The following LRRC4C variants were observed in gnomAD, a reference collection of about 807,000 sequenced individuals.
The protein encoded by LRRC4C is leucine-rich repeat-containing protein 4C.
Under a neutral mutation model 33.6 loss-of-function variants are expected in LRRC4C, and 5 were observed. The ratio of observed to expected loss-of-function variants is 0.15; its 90% confidence interval spans 0.08 to 0.31. The LOEUF (loss-of-function observed/expected upper bound fraction) is 0.31, where lower values mean the gene tolerates loss of function less well. Ranked by LOEUF, LRRC4C falls within the 10% of genes least tolerant of loss-of-function variation. The pLI is 1.00. For synonymous variants in LRRC4C, 329 were observed against 302.0 expected, an observed-to-expected ratio of 1.09 and a Z score of -0.93; for missense variants, 560 against 796.7, an observed-to-expected ratio of 0.70 and a Z score of 3.58.
chr11:40,939,849 C>A (rs1305973848), intron 1 of LRRC4C, among the ~76,000 whole-genome samples: 1 of 152,086 alleles, frequency 6.6e-6, no homozygotes, highest in Admixed American at 6.6e-5. Flanking sequence ...GTCATCAGAT[C>A]ATTTGTTTTA....
Position 41,452,669 on chromosome 11 carries a change from C to T in LRRC4C, c.-496+6762G>A, listed in dbSNP as rs187201085. Among the ~76,000 whole-genome samples the T allele has an allele frequency of 1.6e-4, 24 of 152,114 alleles. No individual in the cohort carries two copies. The East Asian group carries it at 4.5e-3, about 28-fold the overall frequency. ...AATTCGTTCTCTTTCTTTCTCTGGT[C>T]TCCTTGAATGTTCTGTACCAGTCAC... On this transcript the variant is annotated intron_variant, in intron 1 of 6. Transcript: ENST00000528697.
chr11:40,426,030 T>G (rs201518398), intron 3 of LRRC4C, among the ~76,000 whole-genome samples: 2 of 126,942 alleles, frequency 1.6e-5, no homozygotes, highest in Admixed American at 8.1e-5. Flanking sequence ...TTTTTTTTTT[T>G]TGAGACAGAG....
At chr11:40,411,966 T>C (rs1337195919) in intron 3 of LRRC4C, among the ~76,000 whole-genome samples, 1 of 152,010 alleles carries the variant, frequency 6.6e-6, no homozygotes, top group Non-Finnish European at 1.5e-5. Context: ...AACAGACTTA[T>C]TGAGGTTTAG....
Position 40,114,810 on chromosome 11 carries a change from G to A in LRRC4C, c.1483C>T (p.Pro495Ser). ...TTCTCTGTCGACCTTGTGCTCTGTGGTGTGAGAGAGGTGGTCACATTGGTG... is the reference window on the plus strand; with the variant it reads ...TTCTCTGTCGACCTTGTGCTCTGTGATGTGAGAGAGGTGGTCACATTGGTG... Reference protein sequence around the residue: ...ETTNVTTSLTPQSTRSTEKTF... With the variant: ...ETTNVTTSLTSQSTRSTEKTF... The change falls in exon 7 of 7, where the codon CCA (proline) becomes TCA (serine). Residue 495 changes from proline to serine, a missense_variant. Transcript: ENST00000528697. 16 of 1,614,130 alleles carry A rather than the reference G, an allele frequency of 9.9e-6. No homozygotes were observed. The highest frequency in any genetic ancestry group is 2.2e-5 in the East Asian group (1 of 44,860).
chr11:41,245,783 T>C (rs1948427246), intron 1 of LRRC4C, among the ~76,000 whole-genome samples: 1 of 151,954 alleles, frequency 6.6e-6, no homozygotes, highest in African/African-American at 2.4e-5. Context: ...CGCGGACAAG[T>C]GGAGGGTGGA....
chr11:40,814,883 T>A (rs1215118594), intron 2 of LRRC4C, among the ~76,000 whole-genome samples: 2 of 152,116 alleles, frequency 1.3e-5, no homozygotes, highest in Non-Finnish European at 2.9e-5. Context: ...TATAATACTA[T>A]CAGCACTTTG....
At chr11:40,906,521 AACAG>A (rs1480227440) in intron 2 of LRRC4C, among the ~76,000 whole-genome samples, 2 of 152,172 alleles carry the variant, frequency 1.3e-5, no homozygotes, top group Non-Finnish European at 2.9e-5. Context: ...AAAACAAACA[AACAG>A]ACAAACAAAC....
intron 2 of LRRC4C, among the ~76,000 whole-genome samples, chr11:40,797,744 A>C: frequency 6.6e-6 from 1 of 152,286 alleles, no homozygotes; most frequent in East Asian, 1.9e-4. Flanking sequence ...CTTTCCTGTA[A>C]ATAAAATTTT....
intron 1 of LRRC4C, among the ~76,000 whole-genome samples, chr11:40,993,761 C>T (rs1448749631): frequency 1.3e-5 from 2 of 151,998 alleles, no homozygotes; most frequent in Non-Finnish European, 2.9e-5. Context: ...AATGACTTTA[C>T]ATTTTGGTTC....
At chr11:41,114,402 T>G (rs184737194) in intron 1 of LRRC4C, among the ~76,000 whole-genome samples, 1 of 152,070 alleles carries the variant, frequency 6.6e-6, no homozygotes, top group Non-Finnish European at 1.5e-5. Context: ...AGTATATAGC[T>G]ACCTTACTTG....
rs369451777 is a variant in LRRC4C, at chr11:40,163,877, G to C, written c.-95-23024C>G. Among the ~76,000 whole-genome samples the C allele has an allele frequency of 1.4e-4, 22 of 152,236 alleles. 1 individual carries two copies. The East Asian group carries it at 2.3e-3, about 16-fold the overall frequency. ...TTTGCTTTTGCAAAAAATTGCAAAA[G>C]TGGTGGGATTATAATTTGTTTCTAT... On this transcript the variant is annotated intron_variant, in intron 5 of 6. Coordinates refer to ENST00000528697, the MANE Select transcript of LRRC4C (RefSeq NM_001258419.2).
intron 2 of LRRC4C, among the ~76,000 whole-genome samples, chr11:40,740,423 T>C (rs745702408): frequency 6.6e-6 from 1 of 152,074 alleles, no homozygotes; most frequent in Non-Finnish European, 1.5e-5. Flanking sequence ...TTTTAATATG[T>C]CTGCTGGCTA....
chr11:40,735,573 C>A (rs11822449), intron 2 of LRRC4C, among the ~76,000 whole-genome samples: 2 of 134,054 alleles, frequency 1.5e-5, no homozygotes, highest in Non-Finnish European at 3.2e-5. Flanking sequence ...GGACATTTGG[C>A]TTGGTTCCAA....
chr11:40,898,836 G>A (rs1357286582), intron 2 of LRRC4C, among the ~76,000 whole-genome samples: 4 of 151,802 alleles, frequency 2.6e-5, no homozygotes, highest in African/African-American at 9.7e-5. Flanking sequence ...CAGTAATAGG[G>A]TCCCTAAGCA....
intron 2 of LRRC4C, among the ~76,000 whole-genome samples, chr11:40,923,504 C>G (rs1025377171): frequency 1.3e-5 from 2 of 152,120 alleles, no homozygotes; most frequent in African/African-American, 4.8e-5. Context: ...TGCAATTTTC[C>G]ATGTTCCTGT....
chr11:40,683,644 G>A (rs186048471), intron 2 of LRRC4C, among the ~76,000 whole-genome samples: 303 of 152,292 alleles, frequency 2.0e-3, no homozygotes, highest in Middle Eastern at 3.4e-3. Context: ...GGAGGTAAGG[G>A]GATGAGGGAG....
rs115560167 is a variant in LRRC4C at position 40,968,485 on chromosome 11, T to C, written c.-495-34762A>G. On this transcript the variant is annotated intron_variant, in intron 1 of 6. Transcript: ENST00000528697. ...TGACTATGTTGGAATGATATGATGT[T>C]TAGGAGTTTCATAGCTAATTTGGAG... Among the ~76,000 whole-genome samples, 243 of 152,236 alleles carry C rather than the reference T, an allele frequency of 1.6e-3. 1 individual carries two copies. Among genetic ancestry groups the C allele is most frequent in the African/African-American group, 5.7e-3 (235 of 41,566 alleles).
At chr11:40,478,781 T>A (rs1028460156) in intron 3 of LRRC4C, among the ~76,000 whole-genome samples, 1 of 152,176 alleles carries the variant, frequency 6.6e-6, no homozygotes, top group African/African-American at 2.4e-5. Flanking sequence ...AAATTGTTTT[T>A]TTCTGTTTCT....
chr11:40,693,645 T>A (rs4382890), intron 2 of LRRC4C, among the ~76,000 whole-genome samples: 131,017 of 152,088 alleles, frequency 0.86, 56,703 homozygotes, highest in African/African-American at 0.92. Context: ...TAAACAAGAC[T>A]CTCTTGTCAA....
Sources: gnomAD v4.1 joint callset for allele counts (sites outside exome capture counted in the v4.1 genomes callset) on GRCh38, gnomAD v4.1.1 for gene constraint, MANE v1.5 for transcripts, NCBI Gene and HGNC (gene_info 2026-07-23, HGNC 2026-07-21) for gene names.